The following LHFPL3 variants were observed in gnomAD, a reference collection of about 807,000 sequenced individuals.
LHFPL3 encodes LHFPL tetraspan subfamily member 3.
Under a neutral mutation model 19.3 loss-of-function variants are expected in LHFPL3, and 5 were observed. That is an observed-to-expected ratio of 0.26 (90% CI 0.14 to 0.54). LHFPL3 has a LOEUF of 0.54. LHFPL3 is among the 20% of genes least tolerant of loss of function. LHFPL3 has a pLI of 0.94. For missense variants in LHFPL3, 249 were observed against 307.4 expected (o/e 0.81, Z 1.42); for synonymous variants, 133 against 126.2 (o/e 1.05, Z -0.36).
At chr7:104,724,986 G>A (rs1310325304) in intron 1 of LHFPL3, among the ~76,000 whole-genome samples, 1 of 152,104 alleles carries the variant, frequency 6.6e-6, no homozygotes, top group Non-Finnish European at 1.5e-5. Flanking sequence ...AATAAGAATT[G>A]CATTTCAGAA....
chr7:104,328,713 C>A lies in LHFPL3; in HGVS notation c.-67C>A. 1 of 1,420,200 alleles carries A rather than the reference C, an allele frequency of 7.0e-7. No homozygotes were observed. The highest frequency in any genetic ancestry group is 9.6e-7 in the Non-Finnish European group (1 of 1,044,854). The allele number at this position is 1,420,200 out of a possible 1,614,324, so 88.0% of individuals were successfully genotyped here. ...GCGCGAGGCTCCGTGAGTGTGTCTC[C>A]TGCGCGCTGAGAGGCGGGGGGAGGC... is the stretch of plus-strand genomic sequence containing the variant. On this transcript the variant is annotated 5_prime_UTR_variant, in exon 1 of 3. The change creates a new upstream start codon in the 5' untranslated region. Coordinates refer to ENST00000424859, the MANE Select transcript of LHFPL3 (RefSeq NM_199000.3). This position sits in a 1 kb window ranked among gnomAD's most constrained non-coding sequence, Gnocchi z 4.6.
chr7:104,363,480 G>A (rs551526248), intron 1 of LHFPL3, among the ~76,000 whole-genome samples: 2 of 152,352 alleles, frequency 1.3e-5, no homozygotes, highest in South Asian at 2.1e-4. Context: ...CTCTGATGAC[G>A]TGCGCATGCA....
chr7:104,444,316 T>C (rs1792284883), intron 1 of LHFPL3, among the ~76,000 whole-genome samples: 1 of 152,190 alleles, frequency 6.6e-6, no homozygotes, highest in Non-Finnish European at 1.5e-5. Context: ...TTTGGCGCTG[T>C]CAGAGAAATA....
chr7:104,576,275 T>A (rs962274116), intron 1 of LHFPL3, among the ~76,000 whole-genome samples: 1 of 152,188 alleles, frequency 6.6e-6, no homozygotes, highest in Non-Finnish European at 1.5e-5. Flanking sequence ...GAAAACATCA[T>A]CACCGATTTG....
At chr7:104,789,369 A>G (rs1789980170) in intron 2 of LHFPL3, among the ~76,000 whole-genome samples, 1 of 152,192 alleles carries the variant, frequency 6.6e-6, no homozygotes, top group Non-Finnish European at 1.5e-5. Flanking sequence ...GTGAGTTAGA[A>G]CGACTCTTAA....
chr7:104,461,644 T>G (rs1204585091), intron 1 of LHFPL3, among the ~76,000 whole-genome samples: 2 of 152,244 alleles, frequency 1.3e-5, no homozygotes, highest in African/African-American at 4.8e-5. Context: ...AACATGAGCT[T>G]CCATCTTTGT....
intron 2 of LHFPL3, among the ~76,000 whole-genome samples, chr7:104,791,863 A>G (rs1366542923): frequency 1.3e-5 from 2 of 152,160 alleles, no homozygotes; most frequent in African/African-American, 2.4e-5. Flanking sequence ...ACTGCCGCTG[A>G]CAGTCAGCAT....
intron 1 of LHFPL3, among the ~76,000 whole-genome samples, chr7:104,386,238 A>C (rs897420338): frequency 1.3e-5 from 2 of 152,206 alleles, no homozygotes; most frequent in South Asian, 4.1e-4. Flanking sequence ...GGGCATTGTC[A>C]TTATTTGACA....
intron 1 of LHFPL3, among the ~76,000 whole-genome samples, chr7:104,447,599 C>A (rs1314553225): frequency 1.3e-5 from 2 of 151,830 alleles, no homozygotes; most frequent in East Asian, 3.9e-4. Context: ...TTGTTTGTTT[C>A]TTTGTTTTGG....
At chr7:104,621,548 G>A (rs1324498218) in intron 1 of LHFPL3, among the ~76,000 whole-genome samples, 1 of 152,216 alleles carries the variant, frequency 6.6e-6, no homozygotes, top group Non-Finnish European at 1.5e-5. Context: ...TTTCACCAGA[G>A]CTTCCAAACA....
At chr7:104,572,927 G>A (rs2115994493) in intron 1 of LHFPL3, among the ~76,000 whole-genome samples, 1 of 152,210 alleles carries the variant, frequency 6.6e-6, no homozygotes, top group East Asian at 1.9e-4. Context: ...AATAGAAATA[G>A]CAGGTCTAAA....
At chr7:104,683,772 C>T (rs368720482) in intron 1 of LHFPL3, among the ~76,000 whole-genome samples, 11 of 152,144 alleles carry the variant, frequency 7.2e-5, no homozygotes, top group African/African-American at 7.2e-5. Flanking sequence ...AATCAAAATT[C>T]GACATTCCTA....
intron 1 of LHFPL3, among the ~76,000 whole-genome samples, chr7:104,424,018 G>A (rs1392001892): frequency 6.6e-6 from 1 of 152,122 alleles, no homozygotes; most frequent in African/African-American, 2.4e-5. Context: ...GTAGTAAAAT[G>A]TACCCTAGCA....
At chr7:104,669,293 C>G (rs1792425855) in intron 1 of LHFPL3, 1 of 1,613,940 alleles carries the variant, frequency 6.2e-7, no homozygotes, top group Admixed American at 1.7e-5. Context: ...GCTCAACCAT[C>G]TGAGGAAGGA....
At chr7:104,709,152 T>C (rs1303336400) in intron 1 of LHFPL3, among the ~76,000 whole-genome samples, 1 of 152,088 alleles carries the variant, frequency 6.6e-6, no homozygotes, top group Non-Finnish European at 1.5e-5. Context: ...CTGCCAGTTA[T>C]TTTTAGGGAT....
intron 1 of LHFPL3, among the ~76,000 whole-genome samples, chr7:104,608,781 C>T (rs78034086): frequency 0.032 from 4,854 of 152,210 alleles, 124 homozygotes; most frequent in Middle Eastern, 0.065. Flanking sequence ...TCAGTCAGTC[C>T]GCTACTGAGT....
intron 1 of LHFPL3, among the ~76,000 whole-genome samples, chr7:104,498,379 A>C (rs1793529530): frequency 1.3e-5 from 2 of 152,094 alleles, no homozygotes; most frequent in African/African-American, 4.8e-5. Context: ...TTCATTCTAG[A>C]TATCTTGTCT....
chr7:104,427,873 A>G (rs1791878683), intron 1 of LHFPL3, among the ~76,000 whole-genome samples: 1 of 152,242 alleles, frequency 6.6e-6, no homozygotes. Flanking sequence ...CACCTCGTGC[A>G]TCAGTTTTTG....
chr7:104,421,354 T>C (rs999219302), intron 1 of LHFPL3, among the ~76,000 whole-genome samples: 2 of 152,122 alleles, frequency 1.3e-5, no homozygotes, highest in Non-Finnish European at 2.9e-5. Context: ...CTTGACCAGA[T>C]GAGAGGCATT....
Sources: gnomAD v4.1 joint callset for allele counts (sites outside exome capture counted in the v4.1 genomes callset) on GRCh38, gnomAD v4.1.1 for gene constraint, Gnocchi (gnomAD v3.1) non-coding constraint, MANE v1.5 for transcripts, NCBI Gene and HGNC (gene_info 2026-07-23, HGNC 2026-07-21) for gene names.